BMP5: variants seen among roughly 807,000 people sequenced by gnomAD.
The protein encoded by BMP5 is bone morphogenetic protein 5.
In BMP5, 23 loss-of-function variants were observed where a neutral mutation model predicts 46.6. That is an observed-to-expected ratio of 0.49 (90% confidence interval 0.35 to 0.70). The LOEUF (loss-of-function observed/expected upper bound fraction) is 0.70. BMP5 is among the 30% of genes least tolerant of loss of function. The pLI, the probability that BMP5 is intolerant of heterozygous loss-of-function variation, is 0.00. For missense variants in BMP5, 545 were observed against 565.6 expected (o/e 0.96, Z 0.37); for synonymous variants, 204 against 191.9 (o/e 1.06, Z -0.52).
chr6:55,850,354 G>A (rs9475430), intron 1 of BMP5, among the ~76,000 whole-genome samples: 2,923 of 83,174 alleles, frequency 0.035, 40 homozygotes, highest in African/African-American at 0.089. Flanking sequence ...AGGTAAGTAG[G>A]TAGATAGATA....
At chr6:55,860,602 G>A (rs1046963784) in intron 1 of BMP5, among the ~76,000 whole-genome samples, 2 of 152,078 alleles carry the variant, frequency 1.3e-5, no homozygotes, top group Non-Finnish European at 2.9e-5. Context: ...GAGAGAGAGA[G>A]AAACAAAATA....
At chr6:55,772,514 G>GA (rs1775071914) in intron 4 of BMP5, among the ~76,000 whole-genome samples, 1 of 151,754 alleles carries the variant, frequency 6.6e-6, no homozygotes, top group Admixed American at 6.6e-5. Context: ...ACCAAACTTA[G>GA]AACCATTCTA....
chr6:55,816,058 C>A (rs1006696952), intron 2 of BMP5, among the ~76,000 whole-genome samples: 20 of 151,832 alleles, frequency 1.3e-4, no homozygotes, highest in East Asian at 7.7e-4. Context: ...TAAATATATT[C>A]TAGAGGATAG....
At chr6:55,857,132 C>G (rs1280801747) in intron 1 of BMP5, among the ~76,000 whole-genome samples, 3 of 152,260 alleles carry the variant, frequency 2.0e-5, no homozygotes, top group East Asian at 3.9e-4. Flanking sequence ...TTCTTCTGCT[C>G]ATGCAGTCCT....
intron 3 of BMP5, among the ~76,000 whole-genome samples, chr6:55,791,212 A>T (rs749426846): frequency 2.0e-5 from 3 of 152,200 alleles, no homozygotes; most frequent in Admixed American, 6.5e-5. Context: ...GCATCTGGTT[A>T]TTCATATTTA....
rs912722994 is a variant in BMP5 at position 55,798,251 on chromosome 6, T to G, written c.684-3824A>C. ...CCTATGTCCAAAAAAGGTCACATTC[T>G]GAGTTACTGGAGGCTAGGACTTCAA... On this transcript the variant is annotated intron_variant, in intron 2 of 6. Transcript: ENST00000370830. Among the ~76,000 whole-genome samples the G allele has an allele frequency of 7.2e-5, 11 of 152,300 alleles. 1 individual carries two copies. The South Asian group carries it at 2.3e-3, about 32-fold the overall frequency.
At chr6:55,794,821 A>G (rs1775666754) in intron 2 of BMP5, among the ~76,000 whole-genome samples, 1 of 152,192 alleles carries the variant, frequency 6.6e-6, no homozygotes, top group African/African-American at 2.4e-5. Flanking sequence ...ATGAATGTGA[A>G]TTCTCAAATG....
chr6:55,821,446 G>C (rs1562054988), intron 1 of BMP5, among the ~76,000 whole-genome samples: 1 of 152,068 alleles, frequency 6.6e-6, no homozygotes, highest in Non-Finnish European at 1.5e-5. Flanking sequence ...AGCCTCCCAA[G>C]TAGCTGGGAC....
At chr6:55,822,458 A>G (rs1318602334) in intron 1 of BMP5, among the ~76,000 whole-genome samples, 1 of 152,052 alleles carries the variant, frequency 6.6e-6, no homozygotes, top group African/African-American at 2.4e-5. Context: ...CAAATACTAT[A>G]CTTCATGATA....
chr6:55,838,034 T>TCA (rs1562063399), intron 1 of BMP5, among the ~76,000 whole-genome samples: 2 of 152,184 alleles, frequency 1.3e-5, no homozygotes, highest in African/African-American at 4.8e-5. Context: ...AGTACATGTT[T>TCA]CACAATTTCT....
chr6:55,874,656 A>G lies in BMP5; in HGVS notation c.210T>C (p.Pro70=). Residue 70 remains proline, a synonymous_variant, in exon 1 of 7, where the codon CCT becomes CCC. Coordinates refer to ENST00000370830, the MANE Select transcript of BMP5 (RefSeq NM_021073.4). ...GLPHRPRPFS[P]GKQASSAPLF... ...GAGGTGCAGAGGACGCTTGTTTTCC[A>G]GGTGAAAATGGTCTGGGTCTGTGAG... is the stretch of plus-strand genomic sequence containing the variant. The G allele has an allele frequency of 6.2e-7, 1 of 1,613,664 alleles. No homozygotes were observed. Among genetic ancestry groups the G allele is most frequent in the Non-Finnish European group, 8.5e-7 (1 of 1,179,728 alleles).
intron 4 of BMP5, among the ~76,000 whole-genome samples, chr6:55,761,521 G>C (rs1348812046): frequency 6.6e-6 from 1 of 151,798 alleles, no homozygotes; most frequent in Non-Finnish European, 1.5e-5. Context: ...CCTTCACCTT[G>C]CTCCAGCCAC....
intron 4 of BMP5, among the ~76,000 whole-genome samples, chr6:55,760,946 T>C (rs764640278): frequency 6.6e-6 from 1 of 152,036 alleles, no homozygotes; most frequent in Non-Finnish European, 1.5e-5. Flanking sequence ...ACATCTTCCA[T>C]GAGGCAGATA....
chr6:55,808,956 A>G (rs1776057673), intron 2 of BMP5, among the ~76,000 whole-genome samples: 1 of 152,274 alleles, frequency 6.6e-6, no homozygotes, highest in Non-Finnish European at 1.5e-5. Context: ...CTATCCATGT[A>G]CCTTCATGAA....
chr6:55,763,665 G>C (rs1458719599), intron 4 of BMP5, among the ~76,000 whole-genome samples: 2 of 152,088 alleles, frequency 1.3e-5, no homozygotes, highest in Admixed American at 6.6e-5. Flanking sequence ...TACAAATGAA[G>C]AGTCATGGCA....
chr6:55,812,899 T>C (rs750312841), intron 2 of BMP5, among the ~76,000 whole-genome samples: 17 of 152,216 alleles, frequency 1.1e-4, no homozygotes, highest in Non-Finnish European at 2.1e-4. Context: ...GTATTTTTAA[T>C]GCAATACTTG....
intron 2 of BMP5, among the ~76,000 whole-genome samples, chr6:55,807,293 A>C (rs1776014394): frequency 6.6e-6 from 1 of 152,154 alleles, no homozygotes; most frequent in African/African-American, 2.4e-5. Flanking sequence ...GTTGAACTTT[A>C]TCAAAGGCCT....
At chr6:55,759,763 A>G (rs930184211) in intron 5 of BMP5, among the ~76,000 whole-genome samples, 1 of 151,878 alleles carries the variant, frequency 6.6e-6, no homozygotes, top group African/African-American at 2.4e-5. Context: ...TTGCCTTGAT[A>G]TTTTTCCCAC....
At chr6:55,850,355 T>TAGAG (rs1262982920) in intron 1 of BMP5, among the ~76,000 whole-genome samples, 2 of 46,576 alleles carry the variant, frequency 4.3e-5, no homozygotes, top group East Asian at 9.9e-4. Flanking sequence ...GGTAAGTAGG[T>TAGAG]AGATAGATAG....
Sources: allele counts gnomAD v4.1 joint callset (sites outside exome capture counted in the v4.1 genomes callset), GRCh38; gene constraint gnomAD v4.1.1; transcripts MANE v1.5; gene names NCBI Gene and HGNC (gene_info 2026-07-23, HGNC 2026-07-21).